CAMTA1: variants seen among roughly 807,000 people sequenced by gnomAD.
CAMTA1 encodes the protein calmodulin binding transcription activator 1.
In CAMTA1, 27 loss-of-function variants were observed where a neutral mutation model predicts 170.9. That is an observed-to-expected ratio of 0.16 (90% CI 0.12 to 0.22). CAMTA1 has a LOEUF of 0.22. Ranked by LOEUF, CAMTA1 falls within the 10% of genes least tolerant of loss-of-function variation. The pLI, the probability that CAMTA1 is intolerant of heterozygous loss-of-function variation, is 1.00. For missense variants in CAMTA1, 1,619 were observed against 2,217.2 expected, an observed-to-expected ratio of 0.73 and a Z score of 5.42; for synonymous variants, 833 against 891.5, an observed-to-expected ratio of 0.93 and a Z score of 1.17.
chr1:7,264,392 A>G (rs1469092457), intron 5 of CAMTA1, among the ~76,000 whole-genome samples: 1 of 152,200 alleles, frequency 6.6e-6, no homozygotes, highest in East Asian at 1.9e-4. Flanking sequence ...CATGCCTGTG[A>G]TACCTGGCAC....
At chr1:6,833,439 A>G (rs919096725) in intron 3 of CAMTA1, among the ~76,000 whole-genome samples, 8 of 152,212 alleles carry the variant, frequency 5.3e-5, no homozygotes, top group African/African-American at 1.2e-4. Context: ...ATACAAAACT[A>G]ATAAAGTTTT....
At chr1:7,281,084 A>G (rs1286655565) in intron 5 of CAMTA1, among the ~76,000 whole-genome samples, 2 of 152,220 alleles carry the variant, frequency 1.3e-5, no homozygotes, top group Non-Finnish European at 2.9e-5. Flanking sequence ...ATATGGACAT[A>G]TTCTCTTTTT....
At chr1:7,159,526 A>G (rs530177050) in intron 4 of CAMTA1, among the ~76,000 whole-genome samples, 19 of 151,606 alleles carry the variant, frequency 1.3e-4, no homozygotes, top group Non-Finnish European at 2.2e-4. Flanking sequence ...TTTCCTCTTC[A>G]TCTTCAGTTT....
intron 4 of CAMTA1, among the ~76,000 whole-genome samples, chr1:7,165,621 G>A (rs947882118): frequency 6.6e-5 from 10 of 152,028 alleles, no homozygotes; most frequent in Admixed American, 3.9e-4. Context: ...TAGTAGATAC[G>A]GGGTTTCACC....
At chr1:7,447,014 G>A (rs926140970) in intron 5 of CAMTA1, among the ~76,000 whole-genome samples, 1 of 152,168 alleles carries the variant, frequency 6.6e-6, no homozygotes, top group Non-Finnish European at 1.5e-5. Context: ...AGCTGTCGGG[G>A]TTTGGGCCAG....
At chr1:7,601,953 G>C (rs368579944) in intron 6 of CAMTA1, among the ~76,000 whole-genome samples, 1 of 140,802 alleles carries the variant, frequency 7.1e-6, no homozygotes, top group African/African-American at 2.6e-5. Flanking sequence ...GAGGGAGACC[G>C]TGGGGAGAGG....
intron 3 of CAMTA1, among the ~76,000 whole-genome samples, chr1:7,032,549 GATTT>G (rs1483164216): frequency 6.6e-6 from 1 of 151,954 alleles, no homozygotes; most frequent in Non-Finnish European, 1.5e-5. Flanking sequence ...TAAACCCTGT[GATTT>G]ATTATTTTGC....
intron 21 of CAMTA1, 43 bp downstream of exon 21, chr1:7,752,576 T>C (rs566498279): frequency 2.0e-6 from 3 of 1,471,628 alleles, no homozygotes; most frequent in African/African-American, 2.8e-5. Flanking sequence ...GGGAGAATGA[T>C]GAAGCAACCC....
At chr1:7,490,160 C>T (rs560593688) in intron 6 of CAMTA1, among the ~76,000 whole-genome samples, 108 of 152,332 alleles carry the variant, frequency 7.1e-4, no homozygotes, top group Non-Finnish European at 1.3e-3. Flanking sequence ...TCCCCACATC[C>T]AGGACCAGCC....
intron 6 of CAMTA1, among the ~76,000 whole-genome samples, chr1:7,600,391 C>T (rs1051365627): frequency 6.6e-6 from 1 of 151,982 alleles, no homozygotes; most frequent in Non-Finnish European, 1.5e-5. Flanking sequence ...GGACATTGGT[C>T]TAAAATTCTC....
chr1:7,676,017 G>C (rs2096116675), intron 10 of CAMTA1, among the ~76,000 whole-genome samples: 1 of 152,242 alleles, frequency 6.6e-6, no homozygotes, highest in Non-Finnish European at 1.5e-5. Flanking sequence ...CCGACCCCAA[G>C]CTGGGACACA....
intron 5 of CAMTA1, among the ~76,000 whole-genome samples, chr1:7,291,680 C>T (rs1006829437): frequency 6.6e-6 from 1 of 152,264 alleles, no homozygotes; most frequent in Non-Finnish European, 1.5e-5. Flanking sequence ...CTTTTACTGG[C>T]AGAACTGGAA....
chr1:6,977,034 G>A (rs1264144318), intron 3 of CAMTA1, among the ~76,000 whole-genome samples: 1 of 152,144 alleles, frequency 6.6e-6, no homozygotes, highest in Non-Finnish European at 1.5e-5. Context: ...TAGCCATGTG[G>A]AACTGTGAGT....
chr1:7,345,482 G>A (rs1012298529), intron 5 of CAMTA1, among the ~76,000 whole-genome samples: 11 of 152,148 alleles, frequency 7.2e-5, no homozygotes, highest in African/African-American at 2.4e-4. Flanking sequence ...AGCCATGGTG[G>A]GCCCATCCTG....
At chr1:7,701,879 A>T (rs1424840604) in intron 11 of CAMTA1, among the ~76,000 whole-genome samples, 3 of 152,132 alleles carry the variant, frequency 2.0e-5, no homozygotes, top group African/African-American at 7.2e-5. Flanking sequence ...CGCGTGCCTT[A>T]TTCTCTCATC....
chr1:7,531,171 T>C (rs1446953572), intron 6 of CAMTA1, among the ~76,000 whole-genome samples: 1 of 110,946 alleles, frequency 9.0e-6, no homozygotes, highest in Non-Finnish European at 1.8e-5. Context: ...GAAGCATGGA[T>C]GGGAGGGAGG....
chr1:7,355,041 A>T (rs2084987393), intron 5 of CAMTA1, among the ~76,000 whole-genome samples: 1 of 152,024 alleles, frequency 6.6e-6, no homozygotes, highest in Non-Finnish European at 1.5e-5. Flanking sequence ...ACCTGTCTCT[A>T]CTAAAAATAC....
chr1:7,335,811 C>A (rs551281194), intron 5 of CAMTA1, among the ~76,000 whole-genome samples: 1 of 150,408 alleles, frequency 6.6e-6, no homozygotes, highest in African/African-American at 2.4e-5. Context: ...ACCTCTGCAA[C>A]CTTGGTATTT....
chr1:6,955,599 A>C (rs1004556074), intron 3 of CAMTA1, among the ~76,000 whole-genome samples: 1 of 152,174 alleles, frequency 6.6e-6, no homozygotes, highest in Non-Finnish European at 1.5e-5. Context: ...AACCAGTATT[A>C]CTACTATTGT....
Sources: allele counts gnomAD v4.1 joint callset (sites outside exome capture counted in the v4.1 genomes callset), GRCh38; gene constraint gnomAD v4.1.1; transcripts MANE v1.5; gene names NCBI Gene and HGNC (gene_info 2026-07-23, HGNC 2026-07-21).